SMPD4: variants seen among roughly 807,000 people sequenced by gnomAD.
SMPD4 encodes sphingomyelin phosphodiesterase 4, also known as neutral sphingomyelinase 3.
Under a neutral mutation model 97.8 loss-of-function variants are expected in SMPD4, and 58 were observed. The ratio of observed to expected loss-of-function variants is 0.59; its 90% CI spans 0.48 to 0.74. SMPD4 has a LOEUF of 0.74. Among genes scored for constraint, SMPD4 ranks in the 30% least tolerant of loss-of-function variants. The pLI, the probability that SMPD4 is intolerant of heterozygous loss-of-function variation, is 0.00. For missense variants in SMPD4, 853 were observed against 1,080.5 expected (o/e 0.79, Z 2.95); for synonymous variants, 388 against 450.0 (o/e 0.86, Z 1.74).
At chr2:130,178,895 C>A (rs1489333799) in intron 1 of SMPD4, among the ~76,000 whole-genome samples, 1 of 152,124 alleles carries the variant, frequency 6.6e-6, no homozygotes, top group Non-Finnish European at 1.5e-5. Flanking sequence ...AATGCTCAGA[C>A]CTAGACTTCA....
Position 130,167,517 on chromosome 2 carries a change from T to C in SMPD4, c.733A>G (p.Thr245Ala), listed in dbSNP as rs1269428003. Residue 245 changes from threonine (T) to alanine (A), a missense_variant, in exon 9 of 20, where the codon ACG becomes GCG. Physicochemically the swap from Thr to Ala is moderately conservative, Grantham distance 58 (BLOSUM62 0). Around this residue, in one of 3 missense-constraint regions of SMPD4, gnomAD observed 313 missense variants for 402.2 expected, o/e 0.78. Coordinates refer to ENST00000680298, the MANE Select transcript of SMPD4 (RefSeq NM_017951.5). Reference protein sequence around the residue: ...SLLKRHISHQTSVNADPASHE... With the variant: ...SLLKRHISHQASVNADPASHE... ...GAGGCGGGGTCTGCATTCACAGACG[T>C]CTGATGAGAGATGTGTCGCTTTAGG... 5.0e-6 allele frequency: 8 copies of C among 1,613,788 alleles called. No individual in the cohort carries two copies.
intron 2 of SMPD4, 71 bp downstream of exon 2, chr2:130,176,483 G>C: frequency 7.7e-7 from 1 of 1,299,560 alleles, no homozygotes; most frequent in East Asian, 2.3e-5. Context: ...AAGTCAATGG[G>C]AAGAACACTC....
intron 1 of SMPD4, among the ~76,000 whole-genome samples, chr2:130,177,709 GA>G (rs1235421318): frequency 2.0e-5 from 3 of 150,086 alleles, no homozygotes; most frequent in African/African-American, 4.9e-5. Flanking sequence ...AAAAAAAAAA[GA>G]AAAAAAGAAA....
intron 1 of SMPD4, among the ~76,000 whole-genome samples, chr2:130,179,555 T>C (rs1322877318): frequency 6.6e-6 from 1 of 151,756 alleles, no homozygotes; most frequent in Non-Finnish European, 1.5e-5. Flanking sequence ...GGCTGCCTAA[T>C]TTTTCTATTT....
At position 130,181,545 on chromosome 2, in the gene SMPD4, C is replaced by G. The variant is rs759890517; in HGVS notation, c.-61G>C. On this transcript the variant is annotated 5_prime_UTR_variant, in exon 1 of 20. Transcript: ENST00000680298. ...CGCCACTCACCTGTGGGATCCATAG[C>G]GTCGCTCGCCTCAGAGATGGAAGCC... 1 of 1,605,456 alleles carries G rather than the reference C, an allele frequency of 6.2e-7. No individual in the cohort carries two copies. Among genetic ancestry groups the G allele is most frequent in the Admixed American group, 1.7e-5 (1 of 59,100 alleles).
intron 10 of SMPD4, among the ~76,000 whole-genome samples, chr2:130,161,795 C>T (rs1687448487): frequency 1.3e-5 from 2 of 152,284 alleles, no homozygotes; most frequent in African/African-American, 2.4e-5. Context: ...AAGAAACCAG[C>T]GGAGCATGTT....
At chr2:130,165,647 A>G (rs778788225) in intron 9 of SMPD4, among the ~76,000 whole-genome samples, 2 of 152,250 alleles carry the variant, frequency 1.3e-5, no homozygotes, top group Non-Finnish European at 2.9e-5. Context: ...TACTCTGGGT[A>G]TGAGATCTAG....
rs752332358 is a variant in SMPD4 at position 130,157,310 on chromosome 2, T to C, written c.1038A>G (p.Pro346=). The C allele has an allele frequency of 3.8e-6, 6 of 1,579,830 alleles. No homozygotes were observed. The highest frequency in any genetic ancestry group is 2.3e-5 in the South Asian group (2 of 86,838). The change falls in exon 12 of 20, where the codon CCA becomes CCG. Residue 346 remains proline (P), a synonymous_variant. Transcript: ENST00000680298. ...HLHAFANSLK[P]EQASPSAHSH... ...AGTGGGCGGAGGGTGAGGCCTGCTC[T>C]GGCTTCAGGCTGTTGGCAAAGGCGT...
chr2:130,153,187 A>T lies in SMPD4; in HGVS notation c.2026-16T>A. ...CATTGATGATCTAGAAAGCCAGGCC[A>T]TGGGGATGGGTCAGAAAACACAGCC... On this transcript the variant is annotated splice_polypyrimidine_tract_variant and intron_variant, in intron 18 of 19. Transcript: ENST00000680298. The T allele has an allele frequency of 6.2e-7, 1 of 1,613,674 alleles. No individual in the cohort carries two copies.
intron 8 of SMPD4, among the ~76,000 whole-genome samples, chr2:130,171,797 T>C (rs1392849224): frequency 2.0e-5 from 3 of 152,200 alleles, no homozygotes; most frequent in Non-Finnish European, 4.4e-5. Flanking sequence ...CACAGGCAGC[T>C]GCTGCTGGGG....
chr2:130,174,291 G>T (rs546371382), intron 3 of SMPD4, among the ~76,000 whole-genome samples: 3 of 152,306 alleles, frequency 2.0e-5, no homozygotes, highest in African/African-American at 7.2e-5. Flanking sequence ...AAAGTGTTGA[G>T]ATTACAGGCA....
chr2:130,181,164 G>A (rs578224123), intron 1 of SMPD4: 1 of 732,756 alleles, frequency 1.4e-6, no homozygotes, highest in African/African-American at 1.9e-5. Context: ...AGCACACAGG[G>A]GAAGGGTCGA....
Position 130,173,539 on chromosome 2 carries a change from T to A in SMPD4, c.244A>T (p.Ile82Phe). ...CCAGGGTCGAGAAATTCCATCACGA[T>A]GCTGTACTCCACAGGATTCACGCGC... ...QGRVNPVEYSIVMEFLDPGGP... is the reference protein window; with the variant it reads ...QGRVNPVEYSFVMEFLDPGGP... The change falls in exon 4 of 20, where the codon ATC becomes TTC. Residue 82 changes from isoleucine to phenylalanine, a missense_variant. Around this residue, in one of 3 missense-constraint regions of SMPD4, gnomAD observed 313 missense variants for 402.2 expected, o/e 0.78. Coordinates refer to ENST00000680298, the MANE Select transcript of SMPD4 (RefSeq NM_017951.5). The A allele has an allele frequency of 1.9e-6, 3 of 1,610,508 alleles. No individual in the cohort carries two copies. The highest frequency in any genetic ancestry group is 1.7e-5 in the Admixed American group (1 of 59,834).
chr2:130,173,754 G>A, intron 3 of SMPD4, 98 bp from the exon 4 acceptor site: 1 of 1,516,856 alleles, frequency 6.6e-7, no homozygotes, highest in Non-Finnish European at 9.0e-7. Context: ...CTCTGAGGAA[G>A]CCACTCCCTG....
rs1413881586 is a variant in SMPD4, at chr2:130,164,278, C to T, written c.864+96G>A. ...TGGGTGGTGGGTTTCTGCTTCCCACCATCCAGCCTGTGAAAACTCACTCAG... is the reference window on the plus strand; with the variant it reads ...TGGGTGGTGGGTTTCTGCTTCCCACTATCCAGCCTGTGAAAACTCACTCAG... On this transcript the variant is annotated intron_variant, in intron 10 of 19. Coordinates refer to ENST00000680298, the MANE Select transcript of SMPD4 (RefSeq NM_017951.5). 9 of 1,061,208 alleles carry T rather than the reference C, an allele frequency of 8.5e-6. No homozygotes were observed. In the African/African-American group the frequency reaches 9.4e-5, roughly 11 times the overall value. 65.7% of individuals were successfully genotyped at this position (1,061,208 alleles called of 1,614,324 possible).
chr2:130,169,675 C>T (rs1401838282), intron 8 of SMPD4, among the ~76,000 whole-genome samples: 1 of 152,108 alleles, frequency 6.6e-6, no homozygotes, highest in East Asian at 1.9e-4. Flanking sequence ...CCCACCTCAG[C>T]CTCCTGAGTA....
In SMPD4 at chr2:130,152,191, T is replaced by C. The variant is rs1270132958; in HGVS notation, c.*364A>G. On this transcript the variant is annotated 3_prime_UTR_variant, in exon 20 of 20. Transcript: ENST00000680298. ...AGCCAGTGGGGAGGCCAGGCCCAGG[T>C]GGCTGTTGGCAGGCTGGCTCCCAAG... 6 of 212,030 alleles carry C rather than the reference T, an allele frequency of 2.8e-5. No homozygotes were observed. The highest frequency in any genetic ancestry group is 6.9e-5 in the African/African-American group (3 of 43,518). The allele number at this position is 212,030 out of a possible 1,614,324, so 13.1% of individuals were successfully genotyped here.
chr2:130,180,339 C>T (rs1476953111), intron 1 of SMPD4, among the ~76,000 whole-genome samples: 2 of 151,852 alleles, frequency 1.3e-5, no homozygotes, highest in African/African-American at 4.8e-5. Flanking sequence ...GTGGCGCGAT[C>T]TCAGCTCACT....
chr2:130,180,622 C>A (rs555831461), intron 1 of SMPD4, among the ~76,000 whole-genome samples: 1 of 152,286 alleles, frequency 6.6e-6, no homozygotes, highest in Admixed American at 6.5e-5. Flanking sequence ...ACGCCTCAGT[C>A]CTAAGGCACT....
Sources: allele counts gnomAD v4.1 joint callset (sites outside exome capture counted in the v4.1 genomes callset), GRCh38; gene constraint gnomAD v4.1.1; regional missense constraint gnomAD v4.1.1; transcripts MANE v1.5; gene names NCBI Gene and HGNC (gene_info 2026-07-23, HGNC 2026-07-21).